PKD1L1: variants seen among roughly 807,000 people sequenced by gnomAD.
The protein encoded by PKD1L1 is polycystin-1-like protein 1.
A neutral mutation model predicts 323.4 loss-of-function variants in PKD1L1; 236 were observed. The ratio of observed to expected loss-of-function variants is 0.73; its 90% confidence interval spans 0.66 to 0.81. The LOEUF is 0.81. PKD1L1 is among the 40% of genes least tolerant of loss of function. The pLI is 0.00. For synonymous variants in PKD1L1, 1,344 were observed against 1,335.0 expected (o/e 1.01, Z -0.15); for missense variants, 3,320 against 3,508.0 (o/e 0.95, Z 1.35).
chr7:47,803,892 C>A (rs1235787121), intron 52 of PKD1L1, among the ~76,000 whole-genome samples: 1 of 152,166 alleles, frequency 6.6e-6, no homozygotes, highest in African/African-American at 2.4e-5. Context: ...AAACATAGTA[C>A]AACTGGGGGG....
At chr7:47,940,535 A>G (rs1478697847) in intron 2 of PKD1L1, among the ~76,000 whole-genome samples, 2 of 152,206 alleles carry the variant, frequency 1.3e-5, no homozygotes, top group African/African-American at 4.8e-5. Flanking sequence ...TGTAGCCCAC[A>G]CTAAGCAATA....
At chr7:47,813,420 T>G in intron 48 of PKD1L1, 127 bp from the exon 49 acceptor site, 1 of 1,016,238 alleles carries the variant, frequency 9.8e-7, no homozygotes, top group South Asian at 1.4e-5. Context: ...CCTTCTCTCC[T>G]CATAGGATCG....
chr7:47,831,037 T>G (rs1785338258), intron 42 of PKD1L1, among the ~76,000 whole-genome samples, 180 bp downstream of exon 42: 1 of 152,144 alleles, frequency 6.6e-6, no homozygotes. Flanking sequence ...AGCCACCCTT[T>G]GGGATCTGCA....
intron 3 of PKD1L1, among the ~76,000 whole-genome samples, chr7:47,939,704 G>C (rs997169425): frequency 6.6e-6 from 1 of 152,206 alleles, no homozygotes; most frequent in African/African-American, 2.4e-5. Flanking sequence ...AGTTAAGCAG[G>C]GTTTCAGTGC....
chr7:47,836,120 A>G (rs1291762421), intron 37 of PKD1L1, among the ~76,000 whole-genome samples: 1 of 151,970 alleles, frequency 6.6e-6, no homozygotes, highest in East Asian at 1.9e-4. Flanking sequence ...ACTTGATGAT[A>G]TTTCTTTATC....
At chr7:47,891,370 C>T (rs1380383536) in intron 15 of PKD1L1, among the ~76,000 whole-genome samples, 1 of 152,194 alleles carries the variant, frequency 6.6e-6, no homozygotes, top group Admixed American at 6.5e-5. Context: ...AAGATGTCTT[C>T]CCCAACCTTG....
chr7:47,816,130 CCT>C (rs1188489694), intron 46 of PKD1L1, among the ~76,000 whole-genome samples: 1 of 152,208 alleles, frequency 6.6e-6, no homozygotes, highest in Non-Finnish European at 1.5e-5. Flanking sequence ...AAGACCCAGT[CCT>C]CTCTCTGCAC....
chr7:47,904,237 T>G, intron 12 of PKD1L1, 141 bp downstream of exon 12: 1 of 1,150,236 alleles, frequency 8.7e-7, no homozygotes, highest in Non-Finnish European at 1.2e-6. Context: ...CATGGTCAGG[T>G]CTTATTTGTC....
In PKD1L1 at chr7:47,938,975, GC is replaced by G. The variant is rs564909716; in HGVS notation, c.285+1217del. ...TGTTCAAGAAGCATGAGGTCTGTTTGCCCCCTTGTGTTTGGAGGTGAGGGCA... is the reference window on the plus strand; with the variant it reads ...TGTTCAAGAAGCATGAGGTCTGTTTGCCCCTTGTGTTTGGAGGTGAGGGCA... On this transcript the variant is annotated intron_variant, in intron 3 of 56. Coordinates refer to ENST00000289672, the MANE Select transcript of PKD1L1 (RefSeq NM_138295.5). Among the ~76,000 whole-genome samples the G allele has an allele frequency of 1.9e-3, 293 of 152,262 alleles. 2 individuals are homozygous for G. The highest frequency in any genetic ancestry group is 6.6e-3 in the African/African-American group (275 of 41,538).
intron 12 of PKD1L1, among the ~76,000 whole-genome samples, 153 bp from the exon 13 acceptor site, chr7:47,902,664 C>T (rs1469174027): frequency 6.6e-6 from 1 of 152,232 alleles, no homozygotes; most frequent in Non-Finnish European, 1.5e-5. Context: ...GGTCACAAGA[C>T]TGATTTCCAC....
At chr7:47,951,568 G>A (rs753013846), upstream of PKD1L1, among the ~76,000 whole-genome samples, 1 of 152,166 alleles carries the variant, frequency 6.6e-6, no homozygotes, top group African/African-American at 2.4e-5. Flanking sequence ...AAGTAGAAAA[G>A]CAAACACAGG....
At position 47,898,209 on chromosome 7, in the gene PKD1L1, GAGA is replaced by G. The variant is rs1182719357; in HGVS notation, c.2065-18_2065-16del. On this transcript the variant is annotated splice_polypyrimidine_tract_variant and intron_variant, in intron 13 of 56. Transcript: ENST00000289672. ...GACCTCCATATCTAAGTATCAAGAA[GAGA>G]AGATGTCTCATTAAAATGTCCATCA... The G allele has an allele frequency of 1.9e-6, 3 of 1,603,448 alleles. No homozygotes were observed. The highest frequency in any genetic ancestry group is 2.2e-5 in the East Asian group (1 of 44,820).
Position 47,899,685 on chromosome 7 carries a change from G to A in PKD1L1, c.2065-1491C>T, listed in dbSNP as rs933061678. On this transcript the variant is annotated intron_variant, in intron 13 of 56. Coordinates refer to ENST00000289672, the MANE Select transcript of PKD1L1 (RefSeq NM_138295.5). ...AAATTGGAAAGGGAAGGCCAGGCACGGTGACGCAAGCCTGTAATCCCAGCA... is the reference window on the plus strand; with the variant it reads ...AAATTGGAAAGGGAAGGCCAGGCACAGTGACGCAAGCCTGTAATCCCAGCA... Among the ~76,000 whole-genome samples the A allele has an allele frequency of 6.6e-5, 10 of 152,186 alleles. No individual in the cohort carries two copies. In the East Asian group the frequency reaches 1.2e-3, roughly 18 times the overall value.
At chr7:47,862,960 T>C (rs912211051) in intron 26 of PKD1L1, among the ~76,000 whole-genome samples, 1 of 152,176 alleles carries the variant, frequency 6.6e-6, no homozygotes, top group Non-Finnish European at 1.5e-5. Context: ...TAGCCTGTTT[T>C]CTAAGGTGGC....
chr7:47,807,737 G>C (rs1784811232), intron 52 of PKD1L1, among the ~76,000 whole-genome samples: 1 of 152,160 alleles, frequency 6.6e-6, no homozygotes, highest in Non-Finnish European at 1.5e-5. Flanking sequence ...CCCCATCCCT[G>C]TGGGGAACCA....
chr7:47,902,514 G>C lies in PKD1L1; in HGVS notation c.1932-3C>G. 6.2e-7 allele frequency: 1 copy of C among 1,613,624 alleles called. No homozygotes were observed. Among genetic ancestry groups the C allele is most frequent in the Non-Finnish European group, 8.5e-7 (1 of 1,179,814 alleles). ...CCTCCACTGTAAATTCTCCTTCCCT[G>C]GGACGGTGGAAAGCACAGAAATGAA... On this transcript the variant is annotated splice_polypyrimidine_tract_variant and splice_region_variant and intron_variant, in intron 12 of 56. Transcript: ENST00000289672.
Position 47,813,257 on chromosome 7 carries a change from T to G in PKD1L1, c.7210A>C (p.Ile2404Leu). Residue 2404 changes from isoleucine to leucine, a missense_variant, in exon 49 of 57, where the codon ATT (isoleucine) becomes CTT (leucine). Ile to Leu is a conservative substitution (Grantham distance 5). Transcript: ENST00000289672. ...CCAACTTCGGGACTACATGTAGGAA[T>G]AGAGTCTTCGATGAGTGCTGAAAAT... ...RPFSALIEDS[I>L]PTCSPEVGGP... 6.2e-7 allele frequency: 1 copy of G among 1,614,174 alleles called. No individual in the cohort carries two copies. The highest frequency in any genetic ancestry group is 8.5e-7 in the Non-Finnish European group (1 of 1,180,026).
At chr7:47,836,866 G>C in intron 37 of PKD1L1, 55 bp downstream of exon 37, 1 of 1,550,180 alleles carries the variant, frequency 6.5e-7, no homozygotes, top group Non-Finnish European at 8.8e-7. Context: ...GGCAAAAAGG[G>C]GCCACAGTGT....
intron 21 of PKD1L1, among the ~76,000 whole-genome samples, chr7:47,877,887 C>A (rs1280757285): frequency 6.6e-6 from 1 of 151,980 alleles, no homozygotes; most frequent in Non-Finnish European, 1.5e-5. Context: ...GGTTTGAGAA[C>A]CACTGCCTAT....
Sources: allele counts gnomAD v4.1 joint callset (sites outside exome capture counted in the v4.1 genomes callset), GRCh38; gene constraint gnomAD v4.1.1; transcripts MANE v1.5; gene names NCBI Gene and HGNC (gene_info 2026-07-23, HGNC 2026-07-21).